Variants in GARNL3 observed in about 807,000 individuals in gnomAD.
The protein encoded by GARNL3 is GTPase-activating Rap/Ran-GAP domain-like protein 3.
In GARNL3, 63 loss-of-function variants were observed where a neutral mutation model predicts 125.0. That is an observed-to-expected ratio of 0.50 (90% confidence interval 0.41 to 0.62). The LOEUF (loss-of-function observed/expected upper bound fraction) is 0.62. Ranked by LOEUF, GARNL3 falls within the 20% of genes least tolerant of loss-of-function variation. The pLI, the probability that GARNL3 is intolerant of heterozygous loss-of-function variation, is 0.00. For synonymous variants in GARNL3, 439 were observed against 457.5 expected, an observed-to-expected ratio of 0.96 and a Z score of 0.52; for missense variants, 994 against 1,244.0, an observed-to-expected ratio of 0.80 and a Z score of 3.02.
Position 127,382,029 on chromosome 9 carries a change from G to A in GARNL3, c.2162-1409G>A, listed in dbSNP as rs375750977. On this transcript the variant is annotated intron_variant, in intron 22 of 27. Transcript: ENST00000373387. ...TGTTAATAAAAATTCAGGCCAGCTC[G>A]GTGGCTCATGCCTGTAATCCCAGCA... is the stretch of plus-strand genomic sequence containing the variant. Among the ~76,000 whole-genome samples, 9 of 152,074 alleles carry A rather than the reference G, an allele frequency of 5.9e-5. No homozygotes were observed. In the South Asian group the frequency reaches 1.2e-3, roughly 21 times the overall value.
At chr9:127,334,337 G>A (rs1829431535) in intron 9 of GARNL3, among the ~76,000 whole-genome samples, 1 of 152,182 alleles carries the variant, frequency 6.6e-6, no homozygotes, top group Admixed American at 6.5e-5. Flanking sequence ...CAGGCAGCGG[G>A]TGTGAGGCCC....
intron 2 of GARNL3, among the ~76,000 whole-genome samples, chr9:127,245,702 AC>A (rs1315584143): frequency 6.6e-6 from 1 of 152,208 alleles, no homozygotes; most frequent in African/African-American, 2.4e-5. Context: ...TGTACCAGGC[AC>A]CTTGCCCAAG....
intron 2 of GARNL3, among the ~76,000 whole-genome samples, chr9:127,298,869 A>G (rs1263817556): frequency 6.6e-6 from 1 of 152,240 alleles, no homozygotes; most frequent in Non-Finnish European, 1.5e-5. Flanking sequence ...TCTCAAGATT[A>G]TCACATCAAA....
chr9:127,290,630 C>G (rs1471008927), intron 1 of GARNL3, among the ~76,000 whole-genome samples: 1 of 152,232 alleles, frequency 6.6e-6, no homozygotes, highest in Non-Finnish European at 1.5e-5. Context: ...CCCTTGGAGA[C>G]TGTCTATTTG....
chr9:127,338,047 A>G, intron 11 of GARNL3, 69 bp from the exon 12 acceptor site: 1 of 1,168,160 alleles, frequency 8.6e-7, no homozygotes, highest in Non-Finnish European at 1.3e-6. Flanking sequence ...TGCACAAGGG[A>G]TTTTCAGAGC....
intron 7 of GARNL3, among the ~76,000 whole-genome samples, chr9:127,326,426 T>G (rs1462064801): frequency 6.6e-6 from 1 of 152,128 alleles, no homozygotes; most frequent in Non-Finnish European, 1.5e-5. Flanking sequence ...ATGAATATAT[T>G]ATGAAATGCT....
intron 1 of GARNL3, among the ~76,000 whole-genome samples, chr9:127,224,958 G>A (rs1203280323): frequency 7.9e-6 from 1 of 126,796 alleles, no homozygotes; most frequent in East Asian, 2.1e-4. Context: ...CCTGCTCCGG[G>A]CTGAGGGCGC....
intron 13 of GARNL3, among the ~76,000 whole-genome samples, chr9:127,341,645 C>T (rs1829865835): frequency 6.6e-6 from 1 of 152,072 alleles, no homozygotes; most frequent in Non-Finnish European, 1.5e-5. Flanking sequence ...GGGCCTGTGG[C>T]AAGGAAGGGG....
At chr9:127,333,249 T>G (rs1361291763) in intron 9 of GARNL3, 128 bp downstream of exon 9, 6 of 697,508 alleles carry the variant, frequency 8.6e-6, no homozygotes, top group Admixed American at 5.2e-5. Context: ...GGAGGTGAGC[T>G]CCACACCCTG....
At chr9:127,347,101 C>T (rs960948501) in intron 16 of GARNL3, among the ~76,000 whole-genome samples, 1 of 152,162 alleles carries the variant, frequency 6.6e-6, no homozygotes, top group African/African-American at 2.4e-5. Flanking sequence ...CCGTGTAAAG[C>T]AATGGACACC....
At chr9:127,227,467 G>A (rs1011435996) in intron 1 of GARNL3, among the ~76,000 whole-genome samples, 2 of 152,012 alleles carry the variant, frequency 1.3e-5, no homozygotes, top group African/African-American at 4.8e-5. Flanking sequence ...CGGTTGTGGT[G>A]GTAGGCGCCT....
rs926729516 is a variant in GARNL3 at position 127,285,908 on chromosome 9, G to A, written c.145-5260G>A. ...TTTAATATATTTCATTTATGTTACCGATCAAGTCTTTTTTGTTTTAGTAGG... is the reference window on the plus strand; with the variant it reads ...TTTAATATATTTCATTTATGTTACCAATCAAGTCTTTTTTGTTTTAGTAGG... On this transcript the variant is annotated intron_variant, in intron 1 of 27. Transcript: ENST00000373387. Among the ~76,000 whole-genome samples, 16 of 151,824 alleles carry A rather than the reference G, an allele frequency of 1.1e-4. No homozygotes were observed. In the South Asian group the frequency reaches 1.3e-3, roughly 12 times the overall value.
At chr9:127,226,513 G>T (rs1207676284) in intron 1 of GARNL3, among the ~76,000 whole-genome samples, 2 of 152,186 alleles carry the variant, frequency 1.3e-5, no homozygotes, top group Non-Finnish European at 2.9e-5. Context: ...TCTGTGTGTT[G>T]TATGAGTCAG....
Position 127,321,964 on chromosome 9 carries a change from G to A in GARNL3, c.567+1186G>A, listed in dbSNP as rs998572159. 4.6e-5 allele frequency among the ~76,000 whole-genome samples: 7 copies of A among 152,096 alleles called. 1 individual carries two copies. Among genetic ancestry groups the A allele is most frequent in the Admixed American group, 4.6e-4 (7 of 15,272 alleles). On this transcript the variant is annotated intron_variant, in intron 6 of 27. Coordinates refer to ENST00000373387, the MANE Select transcript of GARNL3 (RefSeq NM_032293.5). ...TTTAAAATAAGGTTATCAACTCTTG[G>A]CTTACCCCAAATATAGAGAGTTGTG...
intron 22 of GARNL3, among the ~76,000 whole-genome samples, chr9:127,365,909 C>T (rs186891550): frequency 6.6e-6 from 1 of 152,254 alleles, no homozygotes; most frequent in Admixed American, 6.5e-5. Flanking sequence ...AGCCTCAACC[C>T]AGGGTATCCA....
At chr9:127,390,217 C>T (rs1832751217) in intron 26 of GARNL3, among the ~76,000 whole-genome samples, 1 of 152,190 alleles carries the variant, frequency 6.6e-6, no homozygotes, top group Admixed American at 6.5e-5. Context: ...TAACAAAGTC[C>T]ATTGGTTTTT....
chr9:127,314,600 C>T (rs2065187197), intron 4 of GARNL3, among the ~76,000 whole-genome samples: 1 of 151,056 alleles, frequency 6.6e-6, no homozygotes, highest in South Asian at 2.1e-4. Flanking sequence ...GGTGGGTTTC[C>T]CCCTTCTTCT....
intron 22 of GARNL3, among the ~76,000 whole-genome samples, chr9:127,380,200 A>ATGTGTG (rs55906930): frequency 0.37 from 52,805 of 141,364 alleles, 9,999 homozygotes; most frequent in Non-Finnish European, 0.44. Flanking sequence ...CTCAAAAAAT[A>ATGTGTG]TGTGTGTGTG....
intron 22 of GARNL3, among the ~76,000 whole-genome samples, chr9:127,382,072 G>A (rs1283202366): frequency 6.6e-5 from 10 of 152,086 alleles, no homozygotes; most frequent in African/African-American, 2.4e-4. Context: ...AGGCTGGGGC[G>A]AGTGGATCAC....
Sources: allele counts gnomAD v4.1 joint callset (sites outside exome capture counted in the v4.1 genomes callset), GRCh38; gene constraint gnomAD v4.1.1; transcripts MANE v1.5; gene names NCBI Gene and HGNC (gene_info 2026-07-23, HGNC 2026-07-21).